The following WDR4 variants were observed in gnomAD, a reference collection of about 807,000 sequenced individuals.
WDR4 encodes tRNA (guanine-N(7)-)-methyltransferase non-catalytic subunit WDR4.
In WDR4, 47 loss-of-function variants were observed where a neutral mutation model predicts 48.6. The observed-to-expected ratio is 0.97, with a 90% CI of 0.77 to 1.23. The LOEUF is 1.23. Among genes scored for constraint, WDR4 ranks in the 50% most tolerant of loss-of-function variants. The probability of loss-of-function intolerance (pLI) is 0.00; values close to 1 mark genes in which losing one functional copy is unlikely to be tolerated. For synonymous variants in WDR4, 268 were observed against 230.0 expected, an observed-to-expected ratio of 1.17 and a Z score of -1.49; for missense variants, 606 against 551.6, an observed-to-expected ratio of 1.10 and a Z score of -0.99.
the WDR4 span, among the ~76,000 whole-genome samples, chr21:42,891,827 C>A: frequency 3.2e-4 from 48 of 150,742 alleles, no homozygotes; most frequent in East Asian, 9.3e-3. Context: ...CGTGGTGGCT[C>A]ATGCCTGTTG....
chr21:42,861,377 A>T (rs935259488), intron 5 of WDR4, among the ~76,000 whole-genome samples: 1 of 149,944 alleles, frequency 6.7e-6, no homozygotes, highest in African/African-American at 2.5e-5. Flanking sequence ...GGGAGGGAGC[A>T]GTTGAAGTTA....
At chr21:42,844,526 C>G (rs1048240022), downstream of WDR4, among the ~76,000 whole-genome samples, 2 of 152,224 alleles carry the variant, frequency 1.3e-5, no homozygotes, top group African/African-American at 4.8e-5. Context: ...ACCGCCAGGA[C>G]TGAGACAACA....
intron 9 of WDR4, 70 bp downstream of exon 9, chr21:42,853,499 G>A: frequency 6.6e-7 from 1 of 1,503,960 alleles, no homozygotes; most frequent in Non-Finnish European, 9.0e-7. Context: ...AAAAAACATA[G>A]CTGCCGCCCC....
chr21:42,883,213 T>G (rs2058619849), upstream of WDR4, among the ~76,000 whole-genome samples: 1 of 148,808 alleles, frequency 6.7e-6, no homozygotes, highest in African/African-American at 2.5e-5. Flanking sequence ...AGGTGGAGAT[T>G]GCAGTGAGCC....
At chr21:42,876,086 T>C (rs575334447) in intron 2 of WDR4, among the ~76,000 whole-genome samples, 3 of 150,428 alleles carry the variant, frequency 2.0e-5, no homozygotes, top group Non-Finnish European at 3.0e-5. Context: ...TGCCTGGCTA[T>C]TTTTAGTAGA....
intron 5 of WDR4, 140 bp from the exon 6 acceptor site, chr21:42,859,862 G>T: frequency 1.2e-6 from 1 of 859,780 alleles, no homozygotes. Flanking sequence ...AGCCAACATG[G>T]GAAGTAGCTG....
chr21:42,874,205 T>A (rs1162048307), intron 2 of WDR4, among the ~76,000 whole-genome samples: 1 of 152,260 alleles, frequency 6.6e-6, no homozygotes, highest in Admixed American at 6.5e-5. Flanking sequence ...CTTATGCCTG[T>A]CTTTACTGCA....
Position 42,862,339 on chromosome 21 carries a change from C to T in WDR4, c.509G>A (p.Arg170Gln), listed in dbSNP as rs1292041526. Residue 170 changes from arginine (R) to glutamine (Q), a missense_variant, in exon 5 of 11, where the codon CGA becomes CAA. By Grantham distance (43) the Arg-to-Gln change is conservative. Coordinates refer to ENST00000398208, the MANE Select transcript of WDR4 (RefSeq NM_018669.6). The surrounding 1 kb of genome is among the most constrained non-coding windows in gnomAD (Gnocchi z 4.3). ...ATGGGGCGCCGCGGCCCAGCTGACTCGGATCTTCTCGTCCCGGTCGGCAGT... is the reference window on the plus strand; with the variant it reads ...ATGGGGCGCCGCGGCCCAGCTGACTTGGATCTTCTCGTCCCGGTCGGCAGT... ...ILTADRDEKI[R>Q]VSWAAAPHSI... 6.8e-6 allele frequency: 11 copies of T among 1,611,966 alleles called. No homozygotes were observed. In the Admixed American group the frequency reaches 8.4e-5, roughly 12 times the overall value.
chr21:42,846,993 G>A (rs1018270025), downstream of WDR4, among the ~76,000 whole-genome samples: 1 of 151,114 alleles, frequency 6.6e-6, no homozygotes, highest in Non-Finnish European at 1.5e-5. Context: ...AGCCGAGATT[G>A]TGCCACCGCA....
intron 3 of WDR4, among the ~76,000 whole-genome samples, chr21:42,863,840 C>T (rs1384390573): frequency 1.3e-5 from 2 of 150,288 alleles, no homozygotes; most frequent in African/African-American, 5.0e-5. Flanking sequence ...GGCGCAGTGG[C>T]TCACACCTGT....
At chr21:42,886,513 A>G in the WDR4 span, among the ~76,000 whole-genome samples, 1 of 152,204 alleles carries the variant, frequency 6.6e-6, no homozygotes, top group Non-Finnish European at 1.5e-5. Context: ...GTTTTGCTGA[A>G]TTCTTGAATT....
chr21:42,865,978 C>A (rs901618629), intron 3 of WDR4, among the ~76,000 whole-genome samples: 1 of 152,136 alleles, frequency 6.6e-6, no homozygotes, highest in Non-Finnish European at 1.5e-5. Context: ...CATCCACACC[C>A]ACACTCCAGC....
upstream of WDR4, among the ~76,000 whole-genome samples, chr21:42,883,136 G>A (rs564565048): frequency 6.7e-6 from 1 of 150,174 alleles, no homozygotes; most frequent in African/African-American, 2.4e-5. Context: ...TCAGCTGGGA[G>A]TGGTGGTGCG....
At chr21:42,876,822 A>T (rs963247427) in intron 1 of WDR4, 55 bp from the exon 2 acceptor site, 2 of 1,546,938 alleles carry the variant, frequency 1.3e-6, no homozygotes, top group Non-Finnish European at 1.8e-6. Context: ...AGAAATAACA[A>T]ATTTTTTTTT....
chr21:42,862,309 A>G lies in WDR4; in HGVS notation c.539T>C (p.Ile180Thr), dbSNP rs751718862. The G allele has an allele frequency of 6.2e-7, 1 of 1,610,820 alleles. No individual in the cohort carries two copies. The highest frequency in any genetic ancestry group is 8.5e-7 in the Non-Finnish European group (1 of 1,178,972). Residue 180 changes from isoleucine (I) to threonine (T), a missense_variant, in exon 5 of 11, where the codon ATC (isoleucine) becomes ACC (threonine). Transcript: ENST00000398208. This position sits in a 1 kb window ranked among gnomAD's most constrained non-coding sequence, Gnocchi z 4.3. ...RVSWAAAPHS[I>T]ESFCLGHTEF... is the part of the protein sequence containing the mutation. ...TGTGTGCCCCAAGCAGAAGGACTCG[A>G]TGCTATGGGGCGCCGCGGCCCAGCT...
rs1296428250 is a variant in WDR4 at position 42,852,281 on chromosome 21, A to G, written c.1019T>C (p.Leu340Pro). The G allele has an allele frequency of 6.2e-7, 1 of 1,614,172 alleles. No homozygotes were observed. ...TTCCAGCATGGCCCAGTTCCCACGAAGAACACCAGAGACTTTCTTTAACAC... is the reference window on the plus strand; with the variant it reads ...TTCCAGCATGGCCCAGTTCCCACGAGGAACACCAGAGACTTTCTTTAACAC... ...STVLKKVSGVLRGNWAMLEGS... is the reference protein window; with the variant it reads ...STVLKKVSGVPRGNWAMLEGS... Residue 340 changes from leucine (L) to proline (P), a missense_variant, in exon 10 of 11, where the codon CTT becomes CCT. Coordinates refer to ENST00000398208, the MANE Select transcript of WDR4 (RefSeq NM_018669.6).
intron 1 of WDR4, 80 bp downstream of exon 1, chr21:42,879,327 G>C: frequency 6.4e-7 from 1 of 1,565,128 alleles, no homozygotes; most frequent in South Asian, 1.2e-5. Flanking sequence ...CGACCAGGCG[G>C]TGCGGGAGAA....
chr21:42,878,561 A>T lies in WDR4; in HGVS notation c.89+846T>A, dbSNP rs368052129. On this transcript the variant is annotated intron_variant, in intron 1 of 10. Transcript: ENST00000398208. Reference sequence around the variant, plus strand: ...ACCAAACGAACAAAAAATATACAGTATATCTGACAGACACGTCGTCCGTTT... The same window carrying T: ...ACCAAACGAACAAAAAATATACAGTTTATCTGACAGACACGTCGTCCGTTT... 1.4e-4 allele frequency among the ~76,000 whole-genome samples: 22 copies of T among 152,358 alleles called. 1 individual carries two copies. The South Asian group carries it at 2.1e-3, about 14-fold the overall frequency.
chr21:42,869,453 T>A (rs1400912552), intron 3 of WDR4, among the ~76,000 whole-genome samples: 1 of 152,162 alleles, frequency 6.6e-6, no homozygotes, highest in Non-Finnish European at 1.5e-5. Context: ...TGAAGTTTTG[T>A]CAGCTAAGGC....
Sources: allele counts gnomAD v4.1 joint callset (sites outside exome capture counted in the v4.1 genomes callset), GRCh38; gene constraint gnomAD v4.1.1; non-coding constraint Gnocchi (gnomAD v3.1); transcripts MANE v1.5; gene names NCBI Gene and HGNC (gene_info 2026-07-23, HGNC 2026-07-21).